Variants in NEGR1 observed in about 807,000 individuals in gnomAD.
The protein encoded by NEGR1 is neuronal growth regulator 1.
In NEGR1, 10 loss-of-function variants were observed where a neutral mutation model predicts 40.9. The observed-to-expected ratio is 0.24, with a 90% CI of 0.15 to 0.42. The LOEUF is 0.42. NEGR1 is among the 10% of genes least tolerant of loss of function. NEGR1 has a pLI of 1.00. For synonymous variants in NEGR1, 185 were observed against 166.8 expected, an observed-to-expected ratio of 1.11 and a Z score of -0.84; for missense variants, 352 against 438.9, an observed-to-expected ratio of 0.80 and a Z score of 1.77.
Position 71,942,471 on chromosome 1 carries a change from ATATATATATATATTTTTTTTTTT to A in NEGR1, c.177-7183_177-7161del, listed in dbSNP as rs1245778665. 2.5e-4 allele frequency among the ~76,000 whole-genome samples: 3 copies of A among 11,826 alleles called. 1 individual carries two copies. The highest frequency in any genetic ancestry group is 5.8e-4 in the Non-Finnish European group (3 of 5,194). The allele number at this position is 11,826 out of a possible 152,430, so 7.8% of individuals were successfully genotyped here. ...TCTTTAAATCTATATATATATATAT[ATATATATATATATTTTTTTTTTT>A]TTTTTTTTTTTTTTTTTTTTTTTTT... On this transcript the variant is annotated intron_variant, in intron 1 of 6. Coordinates refer to ENST00000357731, the MANE Select transcript of NEGR1 (RefSeq NM_173808.3).
intron 2 of NEGR1, among the ~76,000 whole-genome samples, chr1:71,885,464 T>G (rs939720777): frequency 2.1e-4 from 32 of 152,338 alleles, no homozygotes; most frequent in Non-Finnish European, 4.4e-5. Flanking sequence ...TTGTTTGTTT[T>G]TTAGAGTTTT....
rs946850373 is a variant in NEGR1 at position 71,446,843 on chromosome 1, A to G, written c.941-39273T>C. 3.9e-5 allele frequency among the ~76,000 whole-genome samples: 6 copies of G among 152,276 alleles called. 1 individual carries two copies. In the East Asian group the frequency reaches 1.2e-3, roughly 29 times the overall value. ...ATCGATAAGAGTAACCATTATGTTG[A>G]CTTCTATTGGTGCCAATGTTTTAAC... On this transcript the variant is annotated intron_variant, in intron 6 of 6. Coordinates refer to ENST00000357731, the MANE Select transcript of NEGR1 (RefSeq NM_173808.3).
At chr1:71,780,868 C>A (rs560683653) in intron 2 of NEGR1, among the ~76,000 whole-genome samples, 55 of 152,272 alleles carry the variant, frequency 3.6e-4, no homozygotes, top group African/African-American at 1.3e-3. Context: ...ACCCACCTTC[C>A]CTCTTCTGAG....
At chr1:71,928,081 T>C (rs1180631730) in intron 2 of NEGR1, among the ~76,000 whole-genome samples, 4 of 118,438 alleles carry the variant, frequency 3.4e-5, no homozygotes, top group African/African-American at 1.3e-4. Context: ...TATGTACATA[T>C]ATGTATATAT....
intron 1 of NEGR1, among the ~76,000 whole-genome samples, chr1:72,240,617 C>A (rs954810221): frequency 2.0e-5 from 3 of 151,788 alleles, no homozygotes; most frequent in African/African-American, 7.3e-5. Flanking sequence ...CCAATCAAAG[C>A]AAACTGGACC....
chr1:72,210,658 A>G (rs887552405), intron 1 of NEGR1, among the ~76,000 whole-genome samples: 1 of 151,870 alleles, frequency 6.6e-6, no homozygotes, highest in African/African-American at 2.4e-5. Flanking sequence ...TAGTTCTCAT[A>G]GTATTTTTAG....
chr1:72,275,319 G>A (rs994568559), intron 1 of NEGR1, among the ~76,000 whole-genome samples: 21 of 151,900 alleles, frequency 1.4e-4, no homozygotes, highest in African/African-American at 5.1e-4. Context: ...TAATGATTAT[G>A]ACTGTAGAAA....
chr1:72,160,926 T>C (rs1210202551), intron 1 of NEGR1, among the ~76,000 whole-genome samples: 5 of 152,192 alleles, frequency 3.3e-5, no homozygotes, highest in Non-Finnish European at 1.5e-5. Context: ...ATTATTTAAG[T>C]TATTACATAG....
In NEGR1 at chr1:72,237,513, G is replaced by A. The variant is rs945246348; in HGVS notation, c.176+44806C>T. 5.3e-5 allele frequency among the ~76,000 whole-genome samples: 8 copies of A among 151,932 alleles called. No individual in the cohort carries two copies. The South Asian group carries it at 1.0e-3, about 20-fold the overall frequency. On this transcript the variant is annotated intron_variant, in intron 1 of 6. Coordinates refer to ENST00000357731, the MANE Select transcript of NEGR1 (RefSeq NM_173808.3). ...CCAAAATGCTCCACCTTCTACTACC[G>A]TCACCTTCAGGCTTAAGATTTCAAC...
chr1:71,775,934 AGTGAGACCGGTTCGCGCCACTGAGCT>A, intron 3 of NEGR1, among the ~76,000 whole-genome samples: 1 of 151,886 alleles, frequency 6.6e-6, no homozygotes, highest in East Asian at 2.0e-4. Flanking sequence ...CGGAGGTTGC[AGTGAGACCGGTTCGCGCCACTGAGCT>A]GCAGCCTGGG....
intron 1 of NEGR1, among the ~76,000 whole-genome samples, chr1:72,061,081 T>C (rs1014377622): frequency 2.0e-5 from 3 of 151,734 alleles, no homozygotes; most frequent in Non-Finnish European, 4.4e-5. Context: ...CTAGAATCTA[T>C]GACATAACTA....
intron 2 of NEGR1, among the ~76,000 whole-genome samples, chr1:71,807,857 C>A (rs1657836168): frequency 6.6e-6 from 1 of 151,978 alleles, no homozygotes. Context: ...TAAGCACATT[C>A]TTTTTTATTT....
intron 6 of NEGR1, among the ~76,000 whole-genome samples, chr1:71,419,761 T>C (rs529629188): frequency 2.0e-5 from 3 of 152,226 alleles, no homozygotes; most frequent in East Asian, 1.9e-4. Context: ...GAAATGTTCT[T>C]TCCTCAAGAC....
chr1:71,572,303 A>T (rs1365667208), intron 6 of NEGR1, among the ~76,000 whole-genome samples: 1 of 152,198 alleles, frequency 6.6e-6, no homozygotes, highest in Non-Finnish European at 1.5e-5. Context: ...GGAAATTCTA[A>T]TTCCTCCTAG....
chr1:71,566,515 A>G (rs1226043131), intron 6 of NEGR1, among the ~76,000 whole-genome samples: 1 of 152,114 alleles, frequency 6.6e-6, no homozygotes, highest in Non-Finnish European at 1.5e-5. Flanking sequence ...ACTCTTCATG[A>G]GATAAGTATT....
At chr1:71,660,897 G>A (rs756262468) in intron 4 of NEGR1, among the ~76,000 whole-genome samples, 3 of 152,074 alleles carry the variant, frequency 2.0e-5, no homozygotes, top group Non-Finnish European at 4.4e-5. Context: ...TCCCCTCTCT[G>A]TGCCCATATG....
rs577589067 is a variant in NEGR1 at position 71,853,703 on chromosome 1, G to A, written c.410-77406C>T. On this transcript the variant is annotated intron_variant, in intron 2 of 6. Coordinates refer to ENST00000357731, the MANE Select transcript of NEGR1 (RefSeq NM_173808.3). ...ACAGGCTTTCTGTCCACAATAGACA[G>A]ATCCAGAAAGGGTCAAGAGACAGTA... Among the ~76,000 whole-genome samples, 3 of 152,252 alleles carry A rather than the reference G, an allele frequency of 2.0e-5. No individual in the cohort carries two copies. The South Asian group carries it at 6.2e-4, about 32-fold the overall frequency.
chr1:71,527,402 ACCATCCAT>A (rs71095944), intron 6 of NEGR1, among the ~76,000 whole-genome samples: 35,728 of 147,778 alleles, frequency 0.24, 5,451 homozygotes, highest in East Asian at 0.57. Context: ...CCATCCAACC[ACCATCCAT>A]CCATCCATCC....
At position 71,676,523 on chromosome 1, in the gene NEGR1, C is replaced by T. The variant is rs1652642348; in HGVS notation, c.667+21485G>A. Among the ~76,000 whole-genome samples the T allele has an allele frequency of 2.0e-5, 3 of 152,278 alleles. No individual in the cohort carries two copies. The South Asian group carries it at 6.2e-4, about 32-fold the overall frequency. On this transcript the variant is annotated intron_variant, in intron 4 of 6. Transcript: ENST00000357731. The stretch of plus-strand genomic sequence containing the variant: ...AATAACAATGAACTATAAGTGATCT[C>T]CCATGCAGTAGGATTCCTTCAACCA...
Sources: gnomAD v4.1 joint callset for allele counts (sites outside exome capture counted in the v4.1 genomes callset) on GRCh38, gnomAD v4.1.1 for gene constraint, MANE v1.5 for transcripts, NCBI Gene and HGNC (gene_info 2026-07-23, HGNC 2026-07-21) for gene names.